SORCS3: variants seen among roughly 807,000 people sequenced by gnomAD.
SORCS3 encodes the protein sortilin related VPS10 domain containing receptor 3, also known as VPS10 domain-containing receptor SorCS3.
Under a neutral mutation model 146.3 loss-of-function variants are expected in SORCS3, and 57 were observed. The ratio of observed to expected loss-of-function variants is 0.39; its 90% CI spans 0.31 to 0.49. The LOEUF (loss-of-function observed/expected upper bound fraction) is 0.49. Among genes scored for constraint, SORCS3 ranks in the 20% least tolerant of loss-of-function variants. SORCS3 has a pLI of 0.92. For synonymous variants in SORCS3, 653 were observed against 618.5 expected, an observed-to-expected ratio of 1.06 and a Z score of -0.83; for missense variants, 1,341 against 1,575.5, an observed-to-expected ratio of 0.85 and a Z score of 2.52.
intron 14 of SORCS3, among the ~76,000 whole-genome samples, chr10:105,182,987 G>A (rs1401218433): frequency 1.3e-5 from 2 of 152,188 alleles, no homozygotes; most frequent in African/African-American, 4.8e-5. Flanking sequence ...ACAGACACAT[G>A]TGCCAGTGCG....
chr10:105,053,717 T>G (rs1331380425), intron 5 of SORCS3, among the ~76,000 whole-genome samples: 4 of 152,066 alleles, frequency 2.6e-5, no homozygotes, highest in African/African-American at 7.2e-5. Flanking sequence ...TCTAAACATT[T>G]TAAAGCTTGT....
At chr10:104,719,870 A>G (rs1255197772) in intron 1 of SORCS3, among the ~76,000 whole-genome samples, 3 of 152,222 alleles carry the variant, frequency 2.0e-5, no homozygotes, top group East Asian at 1.9e-4. Context: ...GTGAGGGGGA[A>G]CAAATGGATA....
intron 1 of SORCS3, among the ~76,000 whole-genome samples, chr10:104,757,087 T>C (rs2017062368): frequency 6.6e-6 from 1 of 150,672 alleles, no homozygotes; most frequent in Non-Finnish European, 1.5e-5. Context: ...TTTTTTTTTT[T>C]TTTTAGCCAA....
intron 16 of SORCS3, among the ~76,000 whole-genome samples, chr10:105,210,868 T>C (rs925879794): frequency 1.3e-5 from 2 of 152,212 alleles, no homozygotes; most frequent in African/African-American, 4.8e-5. Flanking sequence ...CCTGCCACAT[T>C]ATTTATATCA....
chr10:104,940,437 C>T (rs1263978319), intron 3 of SORCS3, among the ~76,000 whole-genome samples: 1 of 136,306 alleles, frequency 7.3e-6, no homozygotes, highest in Non-Finnish European at 1.6e-5. Context: ...GTTCCCCTTC[C>T]TGTGTCCAAG....
At chr10:105,127,971 A>G (rs2055988306) in intron 7 of SORCS3, among the ~76,000 whole-genome samples, 1 of 152,208 alleles carries the variant, frequency 6.6e-6, no homozygotes, top group Non-Finnish European at 1.5e-5. Flanking sequence ...CTTTAGGCTC[A>G]TTCAGGGCTG....
intron 1 of SORCS3, among the ~76,000 whole-genome samples, chr10:104,838,464 G>C (rs2018097598): frequency 6.6e-6 from 1 of 152,098 alleles, no homozygotes. Flanking sequence ...GCTTGGCATA[G>C]AATGTCTTAA....
At chr10:104,743,345 G>C (rs971003096) in intron 1 of SORCS3, among the ~76,000 whole-genome samples, 8 of 152,294 alleles carry the variant, frequency 5.3e-5, no homozygotes, top group Admixed American at 2.6e-4. Flanking sequence ...AAAACTCACT[G>C]ATGCTCCTAC....
At chr10:104,713,587 C>T (rs1054782421) in intron 1 of SORCS3, among the ~76,000 whole-genome samples, 7 of 152,126 alleles carry the variant, frequency 4.6e-5, no homozygotes, top group African/African-American at 9.7e-5. Flanking sequence ...GTTGATGTAG[C>T]GGCTTACATT....
At chr10:104,686,862 C>T (rs1306583375) in intron 1 of SORCS3, among the ~76,000 whole-genome samples, 2 of 152,194 alleles carry the variant, frequency 1.3e-5, no homozygotes, top group Admixed American at 1.3e-4. Context: ...CCTACCCATC[C>T]ATGCATCCAT....
At chr10:104,981,009 T>G (rs2133653968) in intron 4 of SORCS3, among the ~76,000 whole-genome samples, 1 of 152,178 alleles carries the variant, frequency 6.6e-6, no homozygotes, top group South Asian at 2.1e-4. Context: ...GGGGAAGATC[T>G]TCTGAGTCCT....
In SORCS3 at chr10:105,004,000, C is replaced by CTTTTTTTTTTTTTTTTTT. The variant is rs1226455197; in HGVS notation, c.954+26521_954+26522insTTTTTTTTTTTTTTTTTT. On this transcript the variant is annotated intron_variant, in intron 4 of 26. Coordinates refer to ENST00000369701, the MANE Select transcript of SORCS3 (RefSeq NM_014978.3). ...CCCCTCCTTTTTTTCTCTTCTCTCT[C>CTTTTTTTTTTTTTTTTTT]TTTTTTTTTTTTTTACCAGAGAAGA... 1.3e-3 allele frequency among the ~76,000 whole-genome samples: 178 copies of CTTTTTTTTTTTTTTTTTT among 140,234 alleles called. 1 individual carries two copies. Among genetic ancestry groups the CTTTTTTTTTTTTTTTTTT allele is most frequent in the South Asian group, 1.7e-3 (8 of 4,576 alleles). The allele number at this position is 140,234 out of a possible 152,430, so 92.0% of individuals were successfully genotyped here.
At chr10:105,159,076 A>C in intron 11 of SORCS3, 82 bp downstream of exon 11, 1 of 975,116 alleles carries the variant, frequency 1.0e-6, no homozygotes, top group South Asian at 1.5e-5. Context: ...TCATGGACTC[A>C]CTTGAGCATC....
At chr10:104,652,850 A>C (rs2015580024) in intron 1 of SORCS3, among the ~76,000 whole-genome samples, 1 of 152,202 alleles carries the variant, frequency 6.6e-6, no homozygotes, top group Admixed American at 6.5e-5. Flanking sequence ...CAGCATGTGC[A>C]AAAAAATCTA....
At chr10:104,696,495 A>T (rs1434438222) in intron 1 of SORCS3, among the ~76,000 whole-genome samples, 5 of 24,210 alleles carry the variant, frequency 2.1e-4, no homozygotes, top group African/African-American at 6.2e-4. Flanking sequence ...ATAATATATA[A>T]TATATATAAT....
chr10:105,249,860 G>A (rs903029957), intron 22 of SORCS3, among the ~76,000 whole-genome samples: 8 of 151,688 alleles, frequency 5.3e-5, no homozygotes, highest in East Asian at 3.9e-4. Flanking sequence ...CACTCCAGGC[G>A]ACAGAGTGAG....
chr10:105,042,301 A>G (rs955669774), intron 4 of SORCS3, among the ~76,000 whole-genome samples: 2 of 152,246 alleles, frequency 1.3e-5, no homozygotes, highest in African/African-American at 2.4e-5. Context: ...GATTTAAGTT[A>G]GTAATAACTG....
intron 4 of SORCS3, among the ~76,000 whole-genome samples, chr10:105,012,526 A>T (rs79510855): frequency 0.036 from 5,535 of 152,234 alleles, 175 homozygotes; most frequent in East Asian, 0.16. Context: ...CTTCTTAACT[A>T]TTAAGATAGT....
chr10:104,913,413 G>C (rs77038829), intron 2 of SORCS3, among the ~76,000 whole-genome samples: 4 of 152,318 alleles, frequency 2.6e-5, no homozygotes, highest in Non-Finnish European at 5.9e-5. Context: ...AGAAAGATTG[G>C]GAGTGATTCC....
Sources: allele counts gnomAD v4.1 joint callset (sites outside exome capture counted in the v4.1 genomes callset), GRCh38; gene constraint gnomAD v4.1.1; transcripts MANE v1.5; gene names NCBI Gene and HGNC (gene_info 2026-07-23, HGNC 2026-07-21).